Variants in MTF2 observed in about 807,000 individuals in gnomAD.
MTF2 encodes the protein metal response element binding transcription factor 2.
In MTF2, 11 loss-of-function variants were observed where a neutral mutation model predicts 79.5. The ratio of observed to expected loss-of-function variants is 0.14; its 90% CI spans 0.09 to 0.23. MTF2 has a LOEUF of 0.23. MTF2 is among the 10% of genes least tolerant of loss of function. MTF2 has a pLI of 1.00. For missense variants in MTF2, 486 were observed against 711.2 expected (o/e 0.68, Z 3.60); for synonymous variants, 208 against 232.8 (o/e 0.89, Z 0.97).
chr1:93,122,044 C>T (rs189134245), intron 9 of MTF2, among the ~76,000 whole-genome samples: 15 of 152,078 alleles, frequency 9.9e-5, no homozygotes, highest in East Asian at 1.9e-4. Context: ...TTAAGTGATC[C>T]GCCCACCTTG....
chr1:93,104,286 T>C (rs1347870005), intron 1 of MTF2, among the ~76,000 whole-genome samples: 1 of 152,096 alleles, frequency 6.6e-6, no homozygotes, highest in Non-Finnish European at 1.5e-5. Flanking sequence ...TTTATGTTTA[T>C]GTGGGTAAAA....
Position 93,137,150 on chromosome 1 carries a change from AAG to A in MTF2, c.*124_*125del, listed in dbSNP as rs1647436806. The A allele has an allele frequency of 2.6e-6, 2 of 762,590 alleles. No individual in the cohort carries two copies. The highest frequency in any genetic ancestry group is 3.5e-5 in the African/African-American group (2 of 57,016). 47.2% of individuals were successfully genotyped at this position (762,590 alleles called of 1,614,324 possible). ...AAAAAAAAGTCAAAAAAATTCAAAA[AAG>A]GGGATGATACTAGCCTTAACATGTA... On this transcript the variant is annotated 3_prime_UTR_variant, in exon 15 of 15. Transcript: ENST00000370298.
chr1:93,100,044 A>G (rs1655461530), intron 1 of MTF2, among the ~76,000 whole-genome samples: 1 of 152,214 alleles, frequency 6.6e-6, no homozygotes, highest in South Asian at 2.1e-4. Context: ...TAAGATGTGA[A>G]TTATCAACTT....
intron 1 of MTF2, among the ~76,000 whole-genome samples, chr1:93,104,677 CAA>C (rs35746040): frequency 1.6e-3 from 156 of 96,310 alleles, no homozygotes; most frequent in South Asian, 4.2e-3. Context: ...GACTCCATCT[CAA>C]AAAAAAAAAA....
chr1:93,115,829 T>C (rs545106424), intron 6 of MTF2, among the ~76,000 whole-genome samples: 67 of 152,336 alleles, frequency 4.4e-4, no homozygotes, highest in South Asian at 2.3e-3. Context: ...ATAAGTCTTA[T>C]ATTCTGGAAA....
rs1405923338 is a variant in MTF2, at chr1:93,110,297, C to T, written c.73C>T (p.Pro25Ser). 1 of 1,614,076 alleles carries T rather than the reference C, an allele frequency of 6.2e-7. No homozygotes were observed. Among genetic ancestry groups the T allele is most frequent in the African/African-American group, 1.3e-5 (1 of 75,006 alleles). Residue 25 changes from proline to serine, a missense_variant, in exon 2 of 15, where the codon CCA becomes TCA. Coordinates refer to ENST00000370298, the MANE Select transcript of MTF2 (RefSeq NM_007358.4). ...RSPLRRNQKT[P>S]TSLTKLSLQD... is the part of the protein sequence containing the mutation. ...TCCTTTACGTCGAAACCAAAAGACCCCAACATCCTTGACCAAGCTGTCTTT... is the reference window on the plus strand; with the variant it reads ...TCCTTTACGTCGAAACCAAAAGACCTCAACATCCTTGACCAAGCTGTCTTT...
rs1278512149 is a variant in MTF2 at position 93,084,047 on chromosome 1, G to A, written c.5+4516G>A. 3.3e-5 allele frequency among the ~76,000 whole-genome samples: 5 copies of A among 151,658 alleles called. No individual in the cohort carries two copies. In the East Asian group the frequency reaches 9.6e-4, roughly 29 times the overall value. ...TTTAAGCACAAATATTCTTAATTTT[G>A]ATAAAGTTCAATTTATTCCTTTTTT... On this transcript the variant is annotated intron_variant, in intron 1 of 14. Transcript: ENST00000370298.
Position 93,120,620 on chromosome 1 carries a change from T to G in MTF2, c.869T>G (p.Leu290Arg). The G allele has an allele frequency of 6.2e-7, 1 of 1,611,960 alleles. No homozygotes were observed. Among genetic ancestry groups the G allele is most frequent in the Non-Finnish European group, 8.5e-7 (1 of 1,179,168 alleles). The change falls in exon 9 of 15, where the codon CTT (leucine) becomes CGT (arginine). Residue 290 changes from leucine (L) to arginine (R), a missense_variant. Around this residue, in one of 4 missense-constraint regions of MTF2, gnomAD observed 177 missense variants for 364.0 expected, o/e 0.49. Transcript: ENST00000370298. ...IHKKKYFDSE[L>R]ELMTYINENW... ...AAGAAGAAATACTTTGATTCTGAACTTGAGCTTATGACATACATTAATGAA... is the reference window on the plus strand; with the variant it reads ...AAGAAGAAATACTTTGATTCTGAACGTGAGCTTATGACATACATTAATGAA...
At position 93,136,952 on chromosome 1, in the gene MTF2, A is replaced by T; in HGVS notation, c.1707A>T (p.Arg569=). Residue 569 remains arginine (R), a synonymous_variant, in exon 15 of 15, where the codon CGA becomes CGT. Coordinates refer to ENST00000370298, the MANE Select transcript of MTF2 (RefSeq NM_007358.4). ...GAATAGCATGTGGCGAAAAATACCG[A>T]GTTTTGGCACGTCGGGTGACACTTG... ...AGRIACGEKY[R]VLARRVTLDG... The T allele has an allele frequency of 6.2e-7, 1 of 1,614,132 alleles. No individual in the cohort carries two copies. The highest frequency in any genetic ancestry group is 8.5e-7 in the Non-Finnish European group (1 of 1,180,006).
At chr1:93,113,847 A>G (rs1214302582) in intron 3 of MTF2, among the ~76,000 whole-genome samples, 1 of 152,170 alleles carries the variant, frequency 6.6e-6, no homozygotes, top group Non-Finnish European at 1.5e-5. Context: ...AAGATCCTAC[A>G]CAGTGCTTGG....
chr1:93,097,466 TTGTTA>T (rs770610039), intron 1 of MTF2, among the ~76,000 whole-genome samples: 1 of 152,230 alleles, frequency 6.6e-6, no homozygotes, highest in Non-Finnish European at 1.5e-5. Context: ...AAATTATTTA[TTGTTA>T]TAAGAGTGAT....
chr1:93,127,100 G>T, intron 9 of MTF2, 132 bp from the exon 10 acceptor site: 1 of 632,662 alleles, frequency 1.6e-6, no homozygotes, highest in African/African-American at 1.8e-5. Context: ...TGAGGACTTG[G>T]AATTAGAACT....
intron 1 of MTF2, among the ~76,000 whole-genome samples, chr1:93,099,385 C>T (rs1261975091): frequency 6.6e-6 from 1 of 152,016 alleles, no homozygotes; most frequent in African/African-American, 2.4e-5. Context: ...CTAGACACAT[C>T]ATTATGAAAT....
At chr1:93,129,080 A>G (rs563981590) in intron 10 of MTF2, 198 bp from the exon 11 acceptor site, 19 of 391,188 alleles carry the variant, frequency 4.9e-5, no homozygotes, top group East Asian at 1.1e-4. Flanking sequence ...TTCTGGTCCT[A>G]TCCCTTCCTC....
At chr1:93,103,747 A>C (rs1254437095) in intron 1 of MTF2, among the ~76,000 whole-genome samples, 1 of 152,200 alleles carries the variant, frequency 6.6e-6, no homozygotes, top group Admixed American at 6.5e-5. Context: ...CAAAGAGGGA[A>C]GTAATCAGTG....
At chr1:93,085,832 A>AACTT (rs1654813175) in intron 1 of MTF2, among the ~76,000 whole-genome samples, 1 of 152,180 alleles carries the variant, frequency 6.6e-6, no homozygotes, top group Non-Finnish European at 1.5e-5. Flanking sequence ...CACACTGCAG[A>AACTT]ACTTGAGTAT....
At chr1:93,090,664 GT>G (rs373876716) in intron 1 of MTF2, among the ~76,000 whole-genome samples, 2,199 of 139,116 alleles carry the variant, frequency 0.016, 22 homozygotes, top group Non-Finnish European at 0.024. Flanking sequence ...ATTTTTCCTA[GT>G]TTTTTTTTTT....
chr1:93,132,595 C>G (rs1656964007), intron 11 of MTF2, among the ~76,000 whole-genome samples: 1 of 152,182 alleles, frequency 6.6e-6, no homozygotes. Context: ...GATATCCCAT[C>G]CATCTTATTC....
intron 1 of MTF2, among the ~76,000 whole-genome samples, chr1:93,107,672 A>G (rs890560435): frequency 7.2e-5 from 11 of 151,848 alleles, no homozygotes; most frequent in African/African-American, 2.7e-4. Flanking sequence ...TATTTTCTTG[A>G]AGTGACAATC....
Sources: allele counts gnomAD v4.1 joint callset (sites outside exome capture counted in the v4.1 genomes callset), GRCh38; gene constraint gnomAD v4.1.1; regional missense constraint gnomAD v4.1.1; transcripts MANE v1.5; gene names NCBI Gene and HGNC (gene_info 2026-07-23, HGNC 2026-07-21).